The following RCC1L variants were observed in gnomAD, a reference collection of about 807,000 sequenced individuals.
RCC1L encodes the protein RCC1-like G exchanging factor-like protein.
In RCC1L, 46 loss-of-function variants were observed where a neutral mutation model predicts 58.6. That is an observed-to-expected ratio of 0.79 (90% CI 0.62 to 1.00). The LOEUF (loss-of-function observed/expected upper bound fraction) is 1.00. Among genes scored for constraint, RCC1L ranks in the 50% least tolerant of loss-of-function variants. RCC1L has a pLI of 0.00. For missense variants in RCC1L, 636 were observed against 623.6 expected (o/e 1.02, Z -0.21); for synonymous variants, 281 against 262.9 (o/e 1.07, Z -0.67).
At chr7:75,030,257 T>C (rs1412417454) in intron 10 of RCC1L, among the ~76,000 whole-genome samples, 2 of 152,230 alleles carry the variant, frequency 1.3e-5, no homozygotes, top group Non-Finnish European at 2.9e-5. Context: ...TCCTATGCAT[T>C]AGAGTGTGTG....
intron 6 of RCC1L, among the ~76,000 whole-genome samples, chr7:75,060,228 T>C (rs1554444387): frequency 3.3e-5 from 5 of 152,252 alleles, no homozygotes; most frequent in Admixed American, 3.3e-4. Context: ...TAGTGCTAAA[T>C]AACAAACTTT....
downstream of RCC1L, among the ~76,000 whole-genome samples, chr7:75,041,090 C>T (rs1282620964): frequency 6.6e-6 from 1 of 152,022 alleles, no homozygotes; most frequent in Admixed American, 6.6e-5. Context: ...TGGTGGCAGG[C>T]ACCTATAATC....
In RCC1L at chr7:75,073,394, G is replaced by C. The variant is rs1554446434; in HGVS notation, c.324+20C>G. The C allele has an allele frequency of 9.1e-7, 1 of 1,097,700 alleles. No homozygotes were observed. The highest frequency in any genetic ancestry group is 3.2e-5 in the East Asian group (1 of 31,148). 68.0% of individuals were successfully genotyped at this position (1,097,700 alleles called of 1,614,324 possible). A position where few individuals can be genotyped will look rare whatever the true frequency, so the allele number is the denominator to read the frequency against. ...CGCGGAAGAGAGAGAAGGAGAGAAG[G>C]AGGAAGCCGCGGCCTGCACCTTTTG... On this transcript the variant is annotated intron_variant, in intron 1 of 10. Coordinates refer to ENST00000610322, the MANE Select transcript of RCC1L (RefSeq NM_030798.5).
At chr7:75,040,643 C>T (rs918645534), downstream of RCC1L, among the ~76,000 whole-genome samples, 5 of 152,088 alleles carry the variant, frequency 3.3e-5, no homozygotes, top group South Asian at 2.1e-4. Flanking sequence ...TAGATCAATA[C>T]GTGAGTTTGA....
At chr7:75,048,389 C>T (rs1319635150) in intron 10 of RCC1L, among the ~76,000 whole-genome samples, 1 of 152,186 alleles carries the variant, frequency 6.6e-6, no homozygotes, top group Non-Finnish European at 1.5e-5. Flanking sequence ...CCGGTCCTGA[C>T]CTGCAGGGCC....
downstream of RCC1L, among the ~76,000 whole-genome samples, chr7:75,039,494 A>G (rs1805499397): frequency 3.3e-5 from 5 of 152,334 alleles, no homozygotes; most frequent in South Asian, 1.0e-3. Flanking sequence ...TTAGCTGTGA[A>G]GGGTTTTCAT....
At position 75,042,411 on chromosome 7, in the gene RCC1L, C is replaced by A; in HGVS notation, c.*621G>T. On this transcript the variant is annotated 3_prime_UTR_variant, in exon 11 of 11. Coordinates refer to ENST00000610322, the MANE Select transcript of RCC1L (RefSeq NM_030798.5). ...TGAGGGGCTTCTTAACTTTTCCAAG[C>A]CAGGCAGTGAGCGTGGTGGGAGGCT... 1.0e-6 allele frequency: 1 copy of A among 986,170 alleles called. No individual in the cohort carries two copies. Among genetic ancestry groups the A allele is most frequent in the Non-Finnish European group, 1.2e-6 (1 of 830,466 alleles). The allele number at this position is 986,170 out of a possible 1,614,324, so 61.1% of individuals were successfully genotyped here. A position where few individuals can be genotyped will look rare whatever the true frequency, so the allele number is the denominator to read the frequency against.
chr7:75,073,692 G>A lies in RCC1L; in HGVS notation c.46C>T (p.Leu16=), dbSNP rs1806863621. 6.6e-7 allele frequency: 1 copy of A among 1,508,372 alleles called. No individual in the cohort carries two copies. Among genetic ancestry groups the A allele is most frequent in the Non-Finnish European group, 8.8e-7 (1 of 1,135,264 alleles). The allele number at this position is 1,508,372 out of a possible 1,614,324, so 93.4% of individuals were successfully genotyped here. A position where few individuals can be genotyped will look rare whatever the true frequency, so the allele number is the denominator to read the frequency against. The change falls in exon 1 of 11, where the codon CTG becomes TTG. Residue 16 remains leucine (L), a synonymous_variant. Transcript: ENST00000610322. ...CCTCGCCCCAGCCCCGGCCCGCTCA[G>A]CCGCCGCCCCAGCCGAGCCCCAGCC... ...LVAGARLGRR[L]SGPGLGRGHW...
At chr7:75,056,575 T>G in intron 8 of RCC1L, 5 of 1,533,030 alleles carry the variant, frequency 3.3e-6, no homozygotes, top group Non-Finnish European at 4.4e-6. Flanking sequence ...TATCCAAAGC[T>G]GAAGGCTGTT....
chr7:75,040,906 G>T (rs1326359538), downstream of RCC1L, among the ~76,000 whole-genome samples: 1 of 152,134 alleles, frequency 6.6e-6, no homozygotes, highest in African/African-American at 2.4e-5. Context: ...TGCTGGCTGG[G>T]TGACCATTCC....
At chr7:75,070,928 C>T (rs1276560434) in intron 1 of RCC1L, among the ~76,000 whole-genome samples, 159 bp from the exon 2 acceptor site, 2 of 152,106 alleles carry the variant, frequency 1.3e-5, no homozygotes, top group Non-Finnish European at 2.9e-5. Flanking sequence ...GGCTGGAGTG[C>T]AGTGGCGCAA....
chr7:75,067,617 A>G (rs1806545608), intron 2 of RCC1L, among the ~76,000 whole-genome samples: 1 of 151,394 alleles, frequency 6.6e-6, no homozygotes, highest in African/African-American at 2.5e-5. Context: ...TGGGAGACAG[A>G]GCGAGACACT....
intron 10 of RCC1L, among the ~76,000 whole-genome samples, chr7:75,032,547 G>C (rs1273960193): frequency 1.3e-5 from 2 of 152,108 alleles, no homozygotes; most frequent in African/African-American, 4.8e-5. Flanking sequence ...TTTCCATGGG[G>C]GGGTAGCTGT....
In RCC1L at chr7:75,042,613, G is replaced by A. The variant is rs1024469308; in HGVS notation, c.*419C>T. On this transcript the variant is annotated 3_prime_UTR_variant, in exon 11 of 11. Transcript: ENST00000610322. ...CCTCGCCTAAGCTGGGGCTCGGTCC[G>A]AGGCACACGCATGGCCTTGGCCAGA... is the stretch of plus-strand genomic sequence containing the variant. The A allele has an allele frequency of 4.5e-5, 46 of 1,020,496 alleles. 1 individual carries two copies. In the South Asian group the frequency reaches 4.6e-4, roughly 10 times the overall value. The allele number at this position is 1,020,496 out of a possible 1,614,324, so 63.2% of individuals were successfully genotyped here.
chr7:75,039,633 GCCT>G (rs1205211504), downstream of RCC1L, among the ~76,000 whole-genome samples: 7 of 152,114 alleles, frequency 4.6e-5, no homozygotes, highest in African/African-American at 1.4e-4. Context: ...TGGGGGGGAG[GCCT>G]CCTCAAGGCT....
intron 10 of RCC1L, among the ~76,000 whole-genome samples, chr7:75,032,570 G>A (rs1444213582): frequency 6.6e-6 from 1 of 152,110 alleles, no homozygotes; most frequent in Non-Finnish European, 1.5e-5. Flanking sequence ...GCAGGGCAGA[G>A]CTGAAGACCC....
In RCC1L at chr7:75,073,399, A is replaced by G. The variant is rs1331071326; in HGVS notation, c.324+15T>C. The G allele has an allele frequency of 1.8e-6, 2 of 1,127,676 alleles. No homozygotes were observed. Among genetic ancestry groups the G allele is most frequent in the East Asian group, 6.4e-5 (2 of 31,326 alleles). The allele number at this position is 1,127,676 out of a possible 1,614,324, so 69.9% of individuals were successfully genotyped here. A position where few individuals can be genotyped will look rare whatever the true frequency, so the allele number is the denominator to read the frequency against. On this transcript the variant is annotated intron_variant, in intron 1 of 10. Transcript: ENST00000610322. ...AAGAGAGAGAAGGAGAGAAGGAGGA[A>G]GCCGCGGCCTGCACCTTTTGGTCCA... is the stretch of plus-strand genomic sequence containing the variant.
chr7:75,032,209 C>A (rs1805322163), intron 10 of RCC1L, among the ~76,000 whole-genome samples: 1 of 152,042 alleles, frequency 6.6e-6, no homozygotes, highest in Non-Finnish European at 1.5e-5. Context: ...TTGGGCAGAG[C>A]CAGGCCTGGG....
chr7:75,051,345 TAC>T (rs1314721313), intron 10 of RCC1L, among the ~76,000 whole-genome samples: 45 of 148,530 alleles, frequency 3.0e-4, no homozygotes, highest in Admixed American at 1.6e-3. Context: ...CACATATATA[TAC>T]ACACACACAT....
Sources: allele counts gnomAD v4.1 joint callset (sites outside exome capture counted in the v4.1 genomes callset), GRCh38; gene constraint gnomAD v4.1.1; transcripts MANE v1.5; gene names NCBI Gene and HGNC (gene_info 2026-07-23, HGNC 2026-07-21).